Variants in SATB2 observed in about 807,000 individuals in gnomAD.
SATB2 encodes DNA-binding protein SATB2.
Under a neutral mutation model 73.4 loss-of-function variants are expected in SATB2, and 1 was observed. The observed-to-expected ratio is 0.01, with a 90% CI of 0.00 to 0.06. SATB2 has a LOEUF of 0.06. SATB2 is among the 10% of genes least tolerant of loss of function. SATB2 has a pLI of 1.00. For missense variants in SATB2, 459 were observed against 945.8 expected (o/e 0.49, Z 6.75); for synonymous variants, 397 against 367.0 (o/e 1.08, Z -0.93).
At chr2:199,415,744 G>A (rs1034524413) in intron 3 of SATB2, among the ~76,000 whole-genome samples, 1 of 152,196 alleles carries the variant, frequency 6.6e-6, no homozygotes, top group Non-Finnish European at 1.5e-5. Context: ...GTCTACTGTG[G>A]CCACGCAAAG....
chr2:199,333,041 C>G (rs1350786905), intron 7 of SATB2, among the ~76,000 whole-genome samples: 1 of 151,938 alleles, frequency 6.6e-6, no homozygotes, highest in Non-Finnish European at 1.5e-5. Context: ...GCTCTCAGAC[C>G]ATAGGTAACT....
At chr2:199,318,553 T>C (rs1187481142) in intron 9 of SATB2, among the ~76,000 whole-genome samples, 2 of 152,054 alleles carry the variant, frequency 1.3e-5, no homozygotes, top group Non-Finnish European at 2.9e-5. Flanking sequence ...CATGCAAACA[T>C]ATACACATTG....
At chr2:199,297,651 G>A (rs1490141546) in intron 10 of SATB2, among the ~76,000 whole-genome samples, 2 of 152,194 alleles carry the variant, frequency 1.3e-5, no homozygotes, top group Non-Finnish European at 2.9e-5. Flanking sequence ...TAATGGGGGA[G>A]ATGCCTATTT....
intron 6 of SATB2, among the ~76,000 whole-genome samples, chr2:199,355,858 G>T (rs1688966143): frequency 6.6e-6 from 1 of 152,062 alleles, no homozygotes; most frequent in South Asian, 2.1e-4. Context: ...TTATATAGTG[G>T]CAATAGCAAT....
At chr2:199,300,727 C>T (rs1358485941) in intron 10 of SATB2, among the ~76,000 whole-genome samples, 2 of 151,916 alleles carry the variant, frequency 1.3e-5, no homozygotes, top group Non-Finnish European at 2.9e-5. Context: ...TTTCATTGCC[C>T]TTCAAAAATG....
At chr2:199,275,534 T>C (rs180942539) in intron 10 of SATB2, among the ~76,000 whole-genome samples, 9 of 152,214 alleles carry the variant, frequency 5.9e-5, no homozygotes, top group Admixed American at 5.9e-4. Context: ...TTAATTCCAA[T>C]TCGGAGGATT....
At chr2:199,369,429 A>G (rs1689378890) in intron 5 of SATB2, among the ~76,000 whole-genome samples, 1 of 152,186 alleles carries the variant, frequency 6.6e-6, no homozygotes, top group Admixed American at 6.6e-5. Context: ...CATAGCACTG[A>G]AAAGTTAAAA....
intron 3 of SATB2, chr2:199,396,718 T>C (rs1216658506): frequency 6.6e-6 from 1 of 152,158 alleles, no homozygotes; most frequent in Non-Finnish European, 1.5e-5. Context: ...TGTTGTTACC[T>C]TATTCCCAAC....
In SATB2 at chr2:199,308,910, T is replaced by G; in HGVS notation, c.1590A>C (p.Glu530Asp). The change falls in exon 10 of 11, where the codon GAA (glutamate) becomes GAC (aspartate). Residue 530 changes from glutamate (E) to aspartate (D), a missense_variant. This residue lies in a region of SATB2 where 74 missense variants were observed against 136.1 expected (regional missense o/e 0.54). Coordinates refer to ENST00000417098, the MANE Select transcript of SATB2 (RefSeq NM_001172509.2). This position sits in a 1 kb window ranked among gnomAD's most constrained non-coding sequence, Gnocchi z 4.6. ...LLRWKENPSPENRTLWENLCT... is the reference protein window; with the variant it reads ...LLRWKENPSPDNRTLWENLCT... ...AGAGGTTTTCCCAGAGGGTGCGGTT[T>G]TCTGGGCTTGGGTTCTCCTTCCAGC... 8 of 1,614,160 alleles carry G rather than the reference T, an allele frequency of 5.0e-6. No homozygotes were observed. The highest frequency in any genetic ancestry group is 6.8e-6 in the Non-Finnish European group (8 of 1,180,020).
chr2:199,411,804 T>C (rs776867951), intron 3 of SATB2, among the ~76,000 whole-genome samples: 31 of 152,202 alleles, frequency 2.0e-4, no homozygotes, highest in Non-Finnish European at 3.8e-4. Context: ...ACCCACTGTG[T>C]TAACAACTGT....
intron 2 of SATB2, 33 bp from the exon 3 acceptor site, chr2:199,433,547 A>C: frequency 1.9e-6 from 3 of 1,605,572 alleles, no homozygotes; most frequent in Non-Finnish European, 8.5e-7. Context: ...CAAAACACAA[A>C]CATTAAAAAG....
exon 1 of SATB2, chr2:199,471,221 C>T (rs930016010): frequency 1.3e-5 from 2 of 152,392 alleles, no homozygotes; most frequent in African/African-American, 4.8e-5. Context: ...TGGTCGTTTA[C>T]CTCTCCTGAG....
At chr2:199,420,460 T>C (rs1413655702) in intron 3 of SATB2, among the ~76,000 whole-genome samples, 1 of 151,886 alleles carries the variant, frequency 6.6e-6, no homozygotes. Context: ...GGATGAAAAA[T>C]TGGTTATTTT....
At chr2:199,319,717 G>A (rs1297837652) in intron 9 of SATB2, among the ~76,000 whole-genome samples, 19 of 151,424 alleles carry the variant, frequency 1.3e-4, no homozygotes, top group Admixed American at 2.0e-4. Flanking sequence ...TTGAGTCTTC[G>A]GGTATACAAA....
At chr2:199,454,561 T>G (rs1460385738) in intron 2 of SATB2, among the ~76,000 whole-genome samples, 1 of 152,252 alleles carries the variant, frequency 6.6e-6, no homozygotes, top group East Asian at 1.9e-4. Context: ...AAGTATATTT[T>G]CAAGTCCCAA....
chr2:199,368,589 A>G lies in SATB2; in HGVS notation c.700+16T>C. ...GAAACTGAAAACAGGCTTTACAAAC[A>G]AAAAAGTCAGTTTACCTTTAATCTT... On this transcript the variant is annotated intron_variant, in intron 6 of 10. Coordinates refer to ENST00000417098, the MANE Select transcript of SATB2 (RefSeq NM_001172509.2). 1 of 1,490,864 alleles carries G rather than the reference A, an allele frequency of 6.7e-7. No individual in the cohort carries two copies. Among genetic ancestry groups the G allele is most frequent in the East Asian group, 2.3e-5 (1 of 44,196 alleles). The allele number at this position is 1,490,864 out of a possible 1,614,324, so 92.4% of individuals were successfully genotyped here. A position where few individuals can be genotyped will look rare whatever the true frequency, so the allele number is the denominator to read the frequency against.
In SATB2 at chr2:199,308,303, G is replaced by C. The variant is rs538674771; in HGVS notation, c.1740+457C>G. On this transcript the variant is annotated intron_variant, in intron 10 of 10. Transcript: ENST00000417098. The surrounding 1 kb of genome is among the most constrained non-coding windows in gnomAD (Gnocchi z 4.6). ...CTCTCAAGGTTCAGCTGAGTTCAAT[G>C]GTATTCCCTAGGTCATGTGGCTATT... Among the ~76,000 whole-genome samples, 16 of 152,214 alleles carry C rather than the reference G, an allele frequency of 1.1e-4. No homozygotes were observed. The highest frequency in any genetic ancestry group is 3.9e-4 in the African/African-American group (16 of 41,526).
intron 3 of SATB2, among the ~76,000 whole-genome samples, chr2:199,419,002 T>C (rs1170891835): frequency 6.6e-6 from 1 of 152,206 alleles, no homozygotes; most frequent in East Asian, 1.9e-4. Context: ...CACGATACAG[T>C]GCCACTGGTA....
chr2:199,322,965 A>G (rs1442855373), intron 9 of SATB2, among the ~76,000 whole-genome samples: 2 of 152,076 alleles, frequency 1.3e-5, no homozygotes, highest in South Asian at 2.1e-4. Flanking sequence ...TCTCAAAATT[A>G]TGCTTTAACT....
Sources: gnomAD v4.1 joint callset for allele counts (sites outside exome capture counted in the v4.1 genomes callset) on GRCh38, gnomAD v4.1.1 for gene constraint, gnomAD v4.1.1 regional missense constraint, Gnocchi (gnomAD v3.1) non-coding constraint, MANE v1.5 for transcripts, NCBI Gene and HGNC (gene_info 2026-07-23, HGNC 2026-07-21) for gene names.